KCNMB2: variants seen among roughly 807,000 people sequenced by gnomAD.
The protein encoded by KCNMB2 is calcium-activated potassium channel subunit beta-2.
Under a neutral mutation model 24.5 loss-of-function variants are expected in KCNMB2, and 9 were observed. That is an observed-to-expected ratio of 0.37 (90% CI 0.22 to 0.64). KCNMB2 has a LOEUF of 0.64. Ranked by LOEUF, KCNMB2 falls within the 30% of genes least tolerant of loss-of-function variation. The probability of loss-of-function intolerance (pLI) is 0.63; values close to 1 mark genes in which losing one functional copy is unlikely to be tolerated. For synonymous variants in KCNMB2, 109 were observed against 104.4 expected, an observed-to-expected ratio of 1.04 and a Z score of -0.27; for missense variants, 226 against 284.3, an observed-to-expected ratio of 0.79 and a Z score of 1.47.
intron 1 of KCNMB2, among the ~76,000 whole-genome samples, chr3:178,547,930 A>G (rs1046820014): frequency 5.9e-5 from 9 of 152,344 alleles, no homozygotes. Context: ...GTTTCTGTTC[A>G]TTGTACCACA....
chr3:178,537,993 T>C (rs1715465134), intron 1 of KCNMB2, among the ~76,000 whole-genome samples: 1 of 152,246 alleles, frequency 6.6e-6, no homozygotes, highest in Non-Finnish European at 1.5e-5. Context: ...AATTGGAAGA[T>C]GATTAGAGTA....
At chr3:178,569,860 C>T (rs1256650043) in intron 1 of KCNMB2, among the ~76,000 whole-genome samples, 2 of 152,218 alleles carry the variant, frequency 1.3e-5, no homozygotes, top group East Asian at 3.9e-4. Context: ...GCATCTATGC[C>T]TCCTTCAACT....
intron 1 of KCNMB2, among the ~76,000 whole-genome samples, chr3:178,617,973 G>A (rs1372098059): frequency 1.3e-5 from 2 of 150,324 alleles, no homozygotes; most frequent in Admixed American, 6.6e-5. Context: ...ATATTTCATT[G>A]TAGATATGCC....
chr3:178,838,222 C>T (rs1231669961), intron 4 of KCNMB2, among the ~76,000 whole-genome samples: 1 of 152,142 alleles, frequency 6.6e-6, no homozygotes, highest in Non-Finnish European at 1.5e-5. Context: ...GCCTTACACC[C>T]TTTTGATCCA....
chr3:178,649,033 G>A (rs1159188335), intron 1 of KCNMB2, among the ~76,000 whole-genome samples: 1 of 152,014 alleles, frequency 6.6e-6, no homozygotes, highest in Non-Finnish European at 1.5e-5. Flanking sequence ...CCTAATCATG[G>A]TATTGCCCAT....
Position 178,554,298 on chromosome 3 carries a change from T to C in KCNMB2, c.-68+17587T>C, listed in dbSNP as rs575454555. Among the ~76,000 whole-genome samples, 109 of 152,318 alleles carry C rather than the reference T, an allele frequency of 7.2e-4. 1 individual carries two copies. The highest frequency in any genetic ancestry group is 2.5e-3 in the African/African-American group (105 of 41,570). On this transcript the variant is annotated intron_variant, in intron 1 of 4. Coordinates refer to ENST00000452583, the MANE Select transcript of KCNMB2 (RefSeq NM_181361.3). ...GTAAAATAATAACCTTCAGAGGATA[T>C]GGTTGTAGATAAATTTGAATCAACT...
intron 1 of KCNMB2, among the ~76,000 whole-genome samples, chr3:178,549,227 C>T (rs899238080): frequency 6.6e-6 from 1 of 151,858 alleles, no homozygotes; most frequent in African/African-American, 2.4e-5. Context: ...ATTAGAGAGA[C>T]TCTGAAATAG....
At chr3:178,670,601 C>G (rs565604724) in intron 1 of KCNMB2, among the ~76,000 whole-genome samples, 73 of 152,214 alleles carry the variant, frequency 4.8e-4, no homozygotes, top group African/African-American at 1.7e-3. Context: ...GGCCTCAATC[C>G]TTACAAACTA....
intron 2 of KCNMB2, among the ~76,000 whole-genome samples, chr3:178,807,911 TA>T (rs1714039752): frequency 6.6e-6 from 1 of 151,298 alleles, no homozygotes; most frequent in African/African-American, 2.4e-5. Flanking sequence ...CAAAAAATAA[TA>T]AAAATATAAT....
intron 1 of KCNMB2, among the ~76,000 whole-genome samples, chr3:178,560,979 A>C (rs961160435): frequency 3.3e-5 from 5 of 152,206 alleles, no homozygotes; most frequent in African/African-American, 9.6e-5. Context: ...TCAGAAGCAC[A>C]CAGCAGAGTA....
chr3:178,550,908 A>G lies in KCNMB2; in HGVS notation c.-68+14197A>G, dbSNP rs1448379895. Among the ~76,000 whole-genome samples, 4 of 152,232 alleles carry G rather than the reference A, an allele frequency of 2.6e-5. No individual in the cohort carries two copies. The East Asian group carries it at 7.7e-4, about 29-fold the overall frequency. On this transcript the variant is annotated intron_variant, in intron 1 of 4. Transcript: ENST00000452583. ...TCAATAAATGACTCCTGTTTTTATTATTAAGATGAGAGTGGGTAATCATGT... is the reference window on the plus strand; with the variant it reads ...TCAATAAATGACTCCTGTTTTTATTGTTAAGATGAGAGTGGGTAATCATGT...
chr3:178,733,898 T>A (rs1030649878), intron 1 of KCNMB2, among the ~76,000 whole-genome samples: 1 of 152,100 alleles, frequency 6.6e-6, no homozygotes, highest in Non-Finnish European at 1.5e-5. Flanking sequence ...TAAGAAATAA[T>A]GGTAGCTGGA....
chr3:178,812,963 A>T (rs754315343), intron 2 of KCNMB2, among the ~76,000 whole-genome samples: 3 of 152,170 alleles, frequency 2.0e-5, no homozygotes, highest in Non-Finnish European at 4.4e-5. Flanking sequence ...AAGTTTTAAA[A>T]TCAGGTTGGC....
intron 1 of KCNMB2, among the ~76,000 whole-genome samples, chr3:178,693,258 T>C (rs1391957958): frequency 6.6e-6 from 1 of 152,238 alleles, no homozygotes. Context: ...TTTTGCCTGA[T>C]TGTCCTGGCC....
intron 1 of KCNMB2, among the ~76,000 whole-genome samples, chr3:178,555,101 G>A (rs1002652005): frequency 3.8e-5 from 2 of 52,454 alleles, no homozygotes; most frequent in African/African-American, 4.6e-4. Context: ...TATGTTAGAA[G>A]AGTGTCCTCT....
intron 1 of KCNMB2, among the ~76,000 whole-genome samples, chr3:178,799,180 A>G (rs1338689612): frequency 1.3e-5 from 2 of 152,152 alleles, no homozygotes; most frequent in African/African-American, 4.8e-5. Flanking sequence ...CCCTAGTTAG[A>G]GCAATCAGAC....
chr3:178,821,225 C>T (rs1355416161), intron 2 of KCNMB2, among the ~76,000 whole-genome samples: 4 of 152,146 alleles, frequency 2.6e-5, no homozygotes, highest in Non-Finnish European at 5.9e-5. Flanking sequence ...AAGCTATCAG[C>T]CTTGTTAATA....
chr3:178,633,035 A>G (rs898057787), intron 1 of KCNMB2, among the ~76,000 whole-genome samples: 14 of 152,190 alleles, frequency 9.2e-5, no homozygotes, highest in African/African-American at 3.4e-4. Context: ...TCCATGTCTC[A>G]CACACATCCA....
intron 1 of KCNMB2, among the ~76,000 whole-genome samples, chr3:178,590,377 G>GA (rs1717621614): frequency 2.6e-5 from 4 of 151,398 alleles, no homozygotes; most frequent in African/African-American, 4.8e-5. Context: ...TGGATTTAGA[G>GA]GAAAAAAAAG....
Sources: gnomAD v4.1 joint callset for allele counts (sites outside exome capture counted in the v4.1 genomes callset) on GRCh38, gnomAD v4.1.1 for gene constraint, MANE v1.5 for transcripts, NCBI Gene and HGNC (gene_info 2026-07-23, HGNC 2026-07-21) for gene names.